PLAC1: variants seen among roughly 807,000 people sequenced by gnomAD.
PLAC1 encodes placenta associated 1.
For missense variants in PLAC1, 136 were observed against 163.2 expected, an observed-to-expected ratio of 0.83 and a Z score of 0.91; for synonymous variants, 68 against 62.1, an observed-to-expected ratio of 1.09 and a Z score of -0.44.
chrX:134,735,767 C>T (rs1191564991), intron 1 of PLAC1, among the ~76,000 whole-genome samples: 101 of 110,470 alleles, frequency 9.1e-4, no homozygotes, highest in Non-Finnish European at 3.4e-4. Context: ...TCCTAAAAGA[C>T]TGCCTTGGGA....
In PLAC1 at chrX:134,565,931, C is replaced by T. The variant is rs767131071; in HGVS notation, c.*113G>A. The T allele has an allele frequency of 1.9e-4, 107 of 567,085 alleles. No individual in the cohort carries two copies. Among genetic ancestry groups the T allele is most frequent in the Non-Finnish European group, 2.6e-4 (93 of 357,258 alleles). The allele number at this position is 567,085 out of a possible 1,213,427, so 46.7% of individuals were successfully genotyped here. On this transcript the variant is annotated 3_prime_UTR_variant, in exon 3 of 3. Coordinates refer to ENST00000359237, the MANE Select transcript of PLAC1 (RefSeq NM_021796.4). ...TAATTCATGAAGTTGCTATAGGTTT[C>T]TCTTTCTCAAAAGTGCTCACATGAG... is the stretch of plus-strand genomic sequence containing the variant.
rs1478812427 is a variant in PLAC1 at position 134,708,168 on chromosome X, C to T, written n.174+25267G>A. Among the ~76,000 whole-genome samples, 3 of 111,754 alleles carry T rather than the reference C, an allele frequency of 2.7e-5. No homozygotes were observed. The East Asian group carries it at 8.4e-4, about 31-fold the overall frequency. On this transcript the variant is annotated intron_variant and non_coding_transcript_variant, in intron 2 of 2. Coordinates refer to the PLAC1 transcript ENST00000466797. ...TCGACCAACTATGGTACATCCATAC[C>T]AGGAAAGAAGAGAACTGCCAGCACA...
chrX:134,748,259 G>A (rs1460394694), intron 1 of PLAC1, among the ~76,000 whole-genome samples: 10 of 108,438 alleles, frequency 9.2e-5, no homozygotes, highest in Non-Finnish European at 1.5e-4. Flanking sequence ...GAACCCGGGA[G>A]GCGGAGGTTG....
intron 2 of PLAC1, among the ~76,000 whole-genome samples, chrX:134,581,601 C>T (rs897515455): frequency 9.3e-6 from 1 of 107,441 alleles, no homozygotes; most frequent in Non-Finnish European, 1.9e-5. Context: ...GCCTCAGCCC[C>T]CCGAGTAGCT....
chrX:134,634,290 C>T (rs1014835837), intron 1 of PLAC1, among the ~76,000 whole-genome samples: 1 of 112,191 alleles, frequency 8.9e-6, no homozygotes, highest in Non-Finnish European at 1.9e-5. Context: ...TAAAGGAGTG[C>T]AAGCCTAACT....
At chrX:134,722,831 A>C (rs1324967418) in intron 2 of PLAC1, among the ~76,000 whole-genome samples, 2 of 111,353 alleles carry the variant, frequency 1.8e-5, no homozygotes, top group Non-Finnish European at 3.8e-5. Context: ...AAGTTTATTC[A>C]GCCCTTAAAT....
chrX:134,592,117 A>G (rs1434498860), intron 2 of PLAC1, among the ~76,000 whole-genome samples: 1 of 112,196 alleles, frequency 8.9e-6, no homozygotes, highest in Non-Finnish European at 1.9e-5. Context: ...CTTCTTTCAC[A>G]GAGCAAATGT....
chrX:134,670,997 G>A (rs905753935), intron 2 of PLAC1, among the ~76,000 whole-genome samples: 4 of 111,663 alleles, frequency 3.6e-5, no homozygotes, highest in African/African-American at 1.3e-4. Flanking sequence ...TGATTGCCTT[G>A]CTTCTTCATT....
chrX:134,753,940 C>G (rs986151928), intron 1 of PLAC1, among the ~76,000 whole-genome samples: 13 of 111,768 alleles, frequency 1.2e-4, no homozygotes, highest in African/African-American at 3.9e-4. Flanking sequence ...CCGGATGACA[C>G]AAAATATTTC....
intron 2 of PLAC1, among the ~76,000 whole-genome samples, chrX:134,681,330 G>A (rs903965842): frequency 1.4e-4 from 16 of 111,144 alleles, no homozygotes; most frequent in African/African-American, 5.3e-4. Context: ...TCATCACTAA[G>A]GAAATGAGGC....
chrX:134,651,355 T>C, intron 1 of PLAC1: 1 of 155,223 alleles, frequency 6.4e-6, no homozygotes, highest in Admixed American at 7.1e-5. Context: ...TTCTGGTGTC[T>C]TTAAGAAGCT....
chrX:134,657,149 T>A (rs190728264), intron 1 of PLAC1, among the ~76,000 whole-genome samples: 14 of 112,332 alleles, frequency 1.2e-4, no homozygotes, highest in Non-Finnish European at 2.3e-4. Context: ...GCGACCATCA[T>A]CCAAATAATC....
chrX:134,631,482 G>A (rs1451221020), intron 1 of PLAC1, among the ~76,000 whole-genome samples: 1 of 111,830 alleles, frequency 8.9e-6, no homozygotes, highest in Non-Finnish European at 1.9e-5. Context: ...GCACAAGGAG[G>A]CTGATGTTAT....
chrX:134,701,743 C>T (rs755493511), intron 2 of PLAC1, among the ~76,000 whole-genome samples: 2 of 112,273 alleles, frequency 1.8e-5, no homozygotes, highest in African/African-American at 6.5e-5. Context: ...TGAGACCAGG[C>T]GCAGTGGCTC....
intron 1 of PLAC1, among the ~76,000 whole-genome samples, chrX:134,737,877 T>C (rs911645027): frequency 8.9e-6 from 1 of 112,528 alleles, no homozygotes; most frequent in African/African-American, 3.2e-5. Context: ...CAAATGCTTA[T>C]GGTGTTTGAA....
intron 1 of PLAC1, among the ~76,000 whole-genome samples, chrX:134,642,561 T>A (rs1048015704): frequency 9.0e-6 from 1 of 110,625 alleles, no homozygotes. Flanking sequence ...GTCTGGAAGT[T>A]GTTGGGGGAG....
upstream of PLAC1, among the ~76,000 whole-genome samples, chrX:134,662,647 T>C (rs187127133): frequency 4.6e-3 from 522 of 112,616 alleles, 1 homozygote; most frequent in Non-Finnish European, 7.7e-3. Flanking sequence ...CTGAAATGCT[T>C]AGCCAGGCGC....
chrX:134,623,518 G>A (rs180939010), intron 1 of PLAC1, among the ~76,000 whole-genome samples: 49 of 112,425 alleles, frequency 4.4e-4, no homozygotes, highest in Admixed American at 8.5e-4. Flanking sequence ...ATTATTATTC[G>A]TATTTTACAG....
intron 2 of PLAC1, 64 bp from the exon 3 acceptor site, chrX:134,566,804 A>T (rs1331227237): frequency 3.6e-6 from 2 of 551,462 alleles, no homozygotes; most frequent in East Asian, 6.8e-5. Context: ...CAAACATGAT[A>T]TATTTTTTAA....
Sources: allele counts gnomAD v4.1 joint callset (sites outside exome capture counted in the v4.1 genomes callset), GRCh38; gene constraint gnomAD v4.1.1; transcripts MANE v1.5; gene names NCBI Gene and HGNC (gene_info 2026-07-23, HGNC 2026-07-21).